Variants in PPP2R2C observed in about 807,000 individuals in gnomAD.
The protein encoded by PPP2R2C is protein phosphatase 2, regulatory subunit B, gamma.
A neutral mutation model predicts 45.3 loss-of-function variants in PPP2R2C; 10 were observed. The observed-to-expected ratio is 0.22, with a 90% CI of 0.14 to 0.37. The LOEUF (loss-of-function observed/expected upper bound fraction) is 0.37. PPP2R2C is among the 10% of genes least tolerant of loss of function. The pLI, the probability that PPP2R2C is intolerant of heterozygous loss-of-function variation, is 1.00. For synonymous variants in PPP2R2C, 257 were observed against 245.4 expected (o/e 1.05, Z -0.44); for missense variants, 308 against 619.7 (o/e 0.50, Z 5.34).
At chr4:6,334,738 T>A (rs541162953) in intron 6 of PPP2R2C, among the ~76,000 whole-genome samples, 1 of 152,142 alleles carries the variant, frequency 6.6e-6, no homozygotes, top group African/African-American at 2.4e-5. Flanking sequence ...CCTAAACCTA[T>A]GACAACCTGT....
At chr4:6,481,849 C>T (rs547065692) in intron 2 of PPP2R2C, among the ~76,000 whole-genome samples, 3 of 151,998 alleles carry the variant, frequency 2.0e-5, no homozygotes, top group Admixed American at 6.5e-5. Context: ...CATGGTGGCA[C>T]GTGCCTGTAG....
At chr4:6,514,802 G>A (rs1328221189) in intron 2 of PPP2R2C, among the ~76,000 whole-genome samples, 1 of 152,204 alleles carries the variant, frequency 6.6e-6, no homozygotes, top group Non-Finnish European at 1.5e-5. Flanking sequence ...TGAAAACATA[G>A]TGTCAGCAGG....
chr4:6,389,929 G>GT (rs1378947532), intron 1 of PPP2R2C, among the ~76,000 whole-genome samples: 1 of 152,134 alleles, frequency 6.6e-6, no homozygotes, highest in African/African-American at 2.4e-5. Context: ...TCCTCTCAGC[G>GT]TTTATGGGGT....
At chr4:6,420,201 C>T (rs1035531290) in intron 1 of PPP2R2C, among the ~76,000 whole-genome samples, 1 of 152,196 alleles carries the variant, frequency 6.6e-6, no homozygotes, top group African/African-American at 2.4e-5. Context: ...AGCAAGACTT[C>T]CCAAGGACAG....
At chr4:6,420,518 C>T (rs898970601) in intron 1 of PPP2R2C, among the ~76,000 whole-genome samples, 7 of 152,162 alleles carry the variant, frequency 4.6e-5, no homozygotes, top group African/African-American at 1.7e-4. Flanking sequence ...GCAGCTCCCC[C>T]AGCTATGTCC....
intron 8 of PPP2R2C, among the ~76,000 whole-genome samples, chr4:6,326,937 G>A (rs1170063248): frequency 6.6e-6 from 1 of 152,208 alleles, no homozygotes; most frequent in Middle Eastern, 3.2e-3. Context: ...GCCAGGATTC[G>A]AGTTTGCTTT....
rs543448294 is a variant in PPP2R2C at position 6,372,785 on chromosome 4, C to T, written c.448-85G>A. The T allele has an allele frequency of 5.2e-5, 73 of 1,403,788 alleles. No individual in the cohort carries two copies. In the East Asian group the frequency reaches 9.0e-4, roughly 17 times the overall value. 87.0% of individuals were successfully genotyped at this position (1,403,788 alleles called of 1,614,324 possible). ...CATGCCGTGAGCATGTGATCCCAAC[C>T]GGAGGCTGGAACACAGGGGTGGGCG... is the stretch of plus-strand genomic sequence containing the variant. On this transcript the variant is annotated intron_variant, in intron 4 of 8. Coordinates refer to ENST00000382599, the MANE Select transcript of PPP2R2C (RefSeq NM_020416.4).
chr4:6,523,888 G>A (rs758778965), intron 2 of PPP2R2C, among the ~76,000 whole-genome samples: 72 of 152,262 alleles, frequency 4.7e-4, no homozygotes, highest in Non-Finnish European at 4.3e-4. Context: ...TATTCAGCCC[G>A]GAGAAGGAAT....
intron 5 of PPP2R2C, among the ~76,000 whole-genome samples, chr4:6,361,032 CT>C (rs1280073500): frequency 1.3e-5 from 2 of 152,200 alleles, no homozygotes; most frequent in African/African-American, 4.8e-5. Context: ...TTAATTACCC[CT>C]TTAAGGCCCT....
intron 1 of PPP2R2C, among the ~76,000 whole-genome samples, chr4:6,543,888 T>C (rs1359065846): frequency 1.3e-5 from 2 of 152,148 alleles, no homozygotes; most frequent in Non-Finnish European, 2.9e-5. Context: ...TTTACGTGGG[T>C]CTGCTCTCCG....
chr4:6,491,594 A>G (rs1025683258), intron 2 of PPP2R2C, among the ~76,000 whole-genome samples: 2 of 152,184 alleles, frequency 1.3e-5, no homozygotes, highest in African/African-American at 4.8e-5. Context: ...AGTTGGCTCT[A>G]TGTCCCCACC....
intron 1 of PPP2R2C, among the ~76,000 whole-genome samples, chr4:6,396,123 C>A (rs1355832760): frequency 1.3e-5 from 2 of 152,222 alleles, no homozygotes; most frequent in African/African-American, 4.8e-5. Flanking sequence ...CCAGCTTCCA[C>A]ATGGGGAAAC....
At chr4:6,412,116 C>T (rs1718237813) in intron 1 of PPP2R2C, among the ~76,000 whole-genome samples, 1 of 152,184 alleles carries the variant, frequency 6.6e-6, no homozygotes, top group Admixed American at 6.5e-5. Flanking sequence ...CTGGCAAATC[C>T]TCACTGAATG....
upstream of PPP2R2C, among the ~76,000 whole-genome samples, chr4:6,475,076 T>C (rs2108774171): frequency 6.6e-6 from 1 of 152,366 alleles, no homozygotes; most frequent in African/African-American, 2.4e-5. Flanking sequence ...AGAAATGCTC[T>C]GCTCTCGTGG....
At chr4:6,381,483 A>G in intron 1 of PPP2R2C, 1 of 1,371,114 alleles carries the variant, frequency 7.3e-7, no homozygotes, top group Non-Finnish European at 9.5e-7. Context: ...CCCATGCTCC[A>G]GCAACCTGGG....
chr4:6,540,494 G>A (rs1043876497), intron 1 of PPP2R2C, among the ~76,000 whole-genome samples: 1 of 152,214 alleles, frequency 6.6e-6, no homozygotes, highest in African/African-American at 2.4e-5. Context: ...CATTTGGGTT[G>A]TTTTCATTTT....
At chr4:6,495,129 T>G (rs4234750) in intron 2 of PPP2R2C, among the ~76,000 whole-genome samples, 1 of 152,212 alleles carries the variant, frequency 6.6e-6, no homozygotes, top group Non-Finnish European at 1.5e-5. Flanking sequence ...AGGGGCTACG[T>G]GGCCTCCACA....
chr4:6,425,149 C>A (rs1248398448), intron 1 of PPP2R2C, among the ~76,000 whole-genome samples: 1 of 152,186 alleles, frequency 6.6e-6, no homozygotes, highest in Non-Finnish European at 1.5e-5. Flanking sequence ...ACATGAGAGT[C>A]AGGGGGCCTT....
At chr4:6,537,575 G>C (rs370923719) in intron 1 of PPP2R2C, among the ~76,000 whole-genome samples, 75 of 147,504 alleles carry the variant, frequency 5.1e-4, no homozygotes, top group African/African-American at 1.8e-3. Context: ...TTTGGAGATG[G>C]AGTCTTGCTC....
Sources: allele counts gnomAD v4.1 joint callset (sites outside exome capture counted in the v4.1 genomes callset), GRCh38; gene constraint gnomAD v4.1.1; transcripts MANE v1.5; gene names NCBI Gene and HGNC (gene_info 2026-07-23, HGNC 2026-07-21).